RBM25: variants seen among roughly 807,000 people sequenced by gnomAD.
The protein encoded by RBM25 is RNA-binding protein 25.
Under a neutral mutation model 120.7 loss-of-function variants are expected in RBM25, and 19 were observed. The ratio of observed to expected loss-of-function variants is 0.16; its 90% CI spans 0.11 to 0.23. The LOEUF (loss-of-function observed/expected upper bound fraction) is 0.23, where lower values mean the gene tolerates loss of function less well. RBM25 is among the 10% of genes least tolerant of loss of function. RBM25 has a pLI of 1.00. For synonymous variants in RBM25, 390 were observed against 326.7 expected (o/e 1.19, Z -2.09); for missense variants, 605 against 1,041.5 (o/e 0.58, Z 5.77).
Position 73,071,638 on chromosome 14 carries a change from A to G in RBM25, c.-4A>G, listed in dbSNP as rs1277457699. ...CCTTTTTTCTTTAGACTGCTGCAGT[A>G]AGAATGTCTTTTCCACCTCATTTGA... On this transcript the variant is annotated 5_prime_UTR_variant, in exon 2 of 19. Transcript: ENST00000261973. 3 of 1,608,184 alleles carry G rather than the reference A, an allele frequency of 1.9e-6. No homozygotes were observed. Among genetic ancestry groups the G allele is most frequent in the Non-Finnish European group, 2.6e-6 (3 of 1,174,730 alleles).
At chr14:73,062,831 A>G (rs1203580113) in intron 1 of RBM25, among the ~76,000 whole-genome samples, 1 of 151,136 alleles carries the variant, frequency 6.6e-6, no homozygotes, top group Non-Finnish European at 1.5e-5. Flanking sequence ...CTGTTATTTT[A>G]TTTAATTTTT....
intron 1 of RBM25, among the ~76,000 whole-genome samples, chr14:73,064,394 T>C (rs996447112): frequency 6.6e-6 from 1 of 151,374 alleles, no homozygotes; most frequent in Non-Finnish European, 1.5e-5. Flanking sequence ...GAGAGACCAA[T>C]CTTTTTTATT....
At chr14:73,059,613 AG>A (rs930333292) in intron 1 of RBM25, among the ~76,000 whole-genome samples, 2 of 152,162 alleles carry the variant, frequency 1.3e-5, no homozygotes, top group African/African-American at 4.8e-5. Context: ...ATTAGTGTGA[AG>A]TACTCTGTGT....
chr14:73,087,587 G>A (rs1206182429), intron 5 of RBM25, among the ~76,000 whole-genome samples: 4 of 150,688 alleles, frequency 2.7e-5, no homozygotes, highest in African/African-American at 9.8e-5. Flanking sequence ...AGTAGAGACG[G>A]GGTTTCACTG....
intron 1 of RBM25, among the ~76,000 whole-genome samples, chr14:73,067,104 CTG>C (rs1895156800): frequency 1.5e-5 from 2 of 137,690 alleles, no homozygotes; most frequent in African/African-American, 2.7e-5. Context: ...GATTCTTGCT[CTG>C]TCGCCCAGGC....
chr14:73,086,172 G>C (rs558604806), intron 5 of RBM25, among the ~76,000 whole-genome samples: 1 of 152,126 alleles, frequency 6.6e-6, no homozygotes, highest in African/African-American at 2.4e-5. Context: ...TTTGGGATGG[G>C]TGTGGTGGCT....
intron 6 of RBM25, among the ~76,000 whole-genome samples, chr14:73,095,140 A>G (rs1192681735): frequency 6.6e-6 from 1 of 151,848 alleles, no homozygotes; most frequent in Non-Finnish European, 1.5e-5. Context: ...GGCGTGAGCC[A>G]CCGAGCCCTG....
chr14:73,105,183 CTG>C (rs1896158053), intron 10 of RBM25, among the ~76,000 whole-genome samples: 1 of 140,836 alleles, frequency 7.1e-6, no homozygotes, highest in Non-Finnish European at 1.5e-5. Flanking sequence ...TCATAGGTCA[CTG>C]TAAGCTCCAA....
chr14:73,084,991 T>G (rs1338925833), intron 5 of RBM25, among the ~76,000 whole-genome samples: 1 of 152,106 alleles, frequency 6.6e-6, no homozygotes, highest in African/African-American at 2.4e-5. Context: ...CCTAGATTGA[T>G]TAATTCATTA....
intron 18 of RBM25, among the ~76,000 whole-genome samples, chr14:73,114,940 G>A (rs1401095303): frequency 6.6e-6 from 1 of 152,164 alleles, no homozygotes; most frequent in Non-Finnish European, 1.5e-5. Flanking sequence ...TTCCATTCAT[G>A]TTTTCCCTAT....
rs564145125 is a variant in RBM25, at chr14:73,058,651, C to G, written c.-70C>G. The G allele has an allele frequency of 3.9e-5, 6 of 152,326 alleles. No individual in the cohort carries two copies. In the South Asian group the frequency reaches 1.2e-3, roughly 32 times the overall value. The allele number at this position is 152,326 out of a possible 1,614,324, so 9.4% of individuals were successfully genotyped here. Reference sequence around the variant, plus strand: ...AGAAATCTCGAACCAGTGGAGCGCACTCGTAACCTGGATCCCAGAAGGTCG... The same window carrying G: ...AGAAATCTCGAACCAGTGGAGCGCAGTCGTAACCTGGATCCCAGAAGGTCG... On this transcript the variant is annotated 5_prime_UTR_variant, in exon 1 of 19. Transcript: ENST00000261973.
At chr14:73,077,310 T>G (rs1225797645) in intron 3 of RBM25, 59 bp from the exon 4 acceptor site, 2 of 1,432,404 alleles carry the variant, frequency 1.4e-6, no homozygotes, top group East Asian at 4.6e-5. Flanking sequence ...TAGCCTAATG[T>G]TAATTGTGGT....
chr14:73,092,759 G>A (rs772357774), intron 6 of RBM25, among the ~76,000 whole-genome samples: 1 of 151,782 alleles, frequency 6.6e-6, no homozygotes, highest in African/African-American at 2.4e-5. Flanking sequence ...ATGAGATGGG[G>A]TCTCGCGTTG....
chr14:73,058,802 TG>T (rs1269800981), intron 1 of RBM25, 97 bp downstream of exon 1: 1 of 18,072 alleles, frequency 5.5e-5, no homozygotes, highest in Non-Finnish European at 1.1e-4. Context: ...AGCGCCAGGG[TG>T]GGGTAGAGGT....
At chr14:73,098,558 C>T (rs753899813) in intron 7 of RBM25, among the ~76,000 whole-genome samples, 9 of 152,244 alleles carry the variant, frequency 5.9e-5, no homozygotes, top group Non-Finnish European at 1.3e-4. Flanking sequence ...AGGCCATATT[C>T]AGTTTTCTTT....
chr14:73,120,100 C>A lies in RBM25; in HGVS notation c.*295C>A. On this transcript the variant is annotated 3_prime_UTR_variant, in exon 19 of 19. Transcript: ENST00000261973. ...ATAATCTTGTTCTGCTGATTTGTTT[C>A]TTGTAAATATTAAAACGACTCCCCA... The A allele has an allele frequency of 1.4e-5, 3 of 209,618 alleles. No homozygotes were observed. The highest frequency in any genetic ancestry group is 2.8e-5 in the Non-Finnish European group (3 of 107,172). The allele number at this position is 209,618 out of a possible 1,614,324, so 13.0% of individuals were successfully genotyped here.
chr14:73,090,742 G>T (rs1895795610), intron 6 of RBM25, among the ~76,000 whole-genome samples: 1 of 152,110 alleles, frequency 6.6e-6, no homozygotes, highest in Admixed American at 6.5e-5. Context: ...GATAGAAAGG[G>T]TGATAAGTTT....
chr14:73,076,497 G>A (rs1189184813), intron 3 of RBM25, 129 bp downstream of exon 3: 2 of 774,406 alleles, frequency 2.6e-6, no homozygotes, highest in Admixed American at 2.7e-5. Context: ...CAGCACCCCT[G>A]TAGAGCATAT....
intron 1 of RBM25, among the ~76,000 whole-genome samples, chr14:73,067,662 G>T (rs1199575162): frequency 2.7e-5 from 4 of 147,200 alleles, no homozygotes; most frequent in Admixed American, 6.8e-5. Flanking sequence ...GGAGTGCAGT[G>T]GCGCGATCTT....
Sources: allele counts gnomAD v4.1 joint callset (sites outside exome capture counted in the v4.1 genomes callset), GRCh38; gene constraint gnomAD v4.1.1; transcripts MANE v1.5; gene names NCBI Gene and HGNC (gene_info 2026-07-23, HGNC 2026-07-21).